Variants in FRAS1 observed in about 807,000 individuals in gnomAD.
The protein encoded by FRAS1 is Fraser extracellular matrix complex subunit 1.
Under a neutral mutation model 435.2 loss-of-function variants are expected in FRAS1, and 290 were observed. The ratio of observed to expected loss-of-function variants is 0.67; its 90% CI spans 0.61 to 0.73. FRAS1 has a LOEUF of 0.73. Ranked by LOEUF, FRAS1 falls within the 30% of genes least tolerant of loss-of-function variation. FRAS1 has a pLI of 0.00. For missense variants in FRAS1, 4,860 were observed against 5,001.5 expected (o/e 0.97, Z 0.85); for synonymous variants, 1,800 against 1,851.0 (o/e 0.97, Z 0.71).
intron 2 of FRAS1, among the ~76,000 whole-genome samples, chr4:78,138,842 A>G (rs1170202839): frequency 6.6e-6 from 1 of 152,174 alleles, no homozygotes; most frequent in African/African-American, 2.4e-5. Flanking sequence ...TTGCTATTAT[A>G]CTGTAGCTTT....
Position 78,508,931 on chromosome 4 carries a change from C to A in FRAS1, c.9705C>A (p.Pro3235=), listed in dbSNP as rs774103279. Reference sequence around the variant, plus strand: ...AGTTCAGCTGGGAAGTGGCTGCCCCCACTGATGGCAATGGGGCCCGGTCTC... The same window carrying A: ...AGTTCAGCTGGGAAGTGGCTGCCCCAACTGATGGCAATGGGGCCCGGTCTC... ...SVQFSWEVAA[P]TDGNGARSPF... The change falls in exon 63 of 74, where the codon CCC becomes CCA. Residue 3235 remains proline, a synonymous_variant. Transcript: ENST00000512123. 35 of 1,613,826 alleles carry A rather than the reference C, an allele frequency of 2.2e-5. No homozygotes were observed. The highest frequency in any genetic ancestry group is 2.5e-6 in the Non-Finnish European group (3 of 1,179,884).
intron 2 of FRAS1, among the ~76,000 whole-genome samples, chr4:78,066,223 T>C (rs529661594): frequency 3.0e-4 from 45 of 152,210 alleles, no homozygotes; most frequent in Non-Finnish European, 6.3e-4. Context: ...TACTCAGGTA[T>C]TGGAAGAGAA....
chr4:78,371,337 A>G (rs1374086515), intron 23 of FRAS1, among the ~76,000 whole-genome samples: 2 of 152,034 alleles, frequency 1.3e-5, no homozygotes, highest in African/African-American at 4.8e-5. Flanking sequence ...GAAATATTCT[A>G]CCAAGGAAGA....
chr4:78,439,518 T>A (rs2109824074), intron 40 of FRAS1, among the ~76,000 whole-genome samples: 1 of 152,328 alleles, frequency 6.6e-6, no homozygotes, highest in Non-Finnish European at 1.5e-5. Flanking sequence ...TACCCAGACA[T>A]CAGTTCAAGT....
intron 2 of FRAS1, among the ~76,000 whole-genome samples, chr4:78,114,736 G>A (rs534978589): frequency 1.8e-3 from 272 of 152,352 alleles, no homozygotes; most frequent in Non-Finnish European, 3.4e-3. Flanking sequence ...GGGCTGATAC[G>A]ATGGGGTTTT....
intron 32 of FRAS1, among the ~76,000 whole-genome samples, chr4:78,418,043 T>C (rs748898007): frequency 2.6e-5 from 4 of 152,184 alleles, no homozygotes; most frequent in Non-Finnish European, 5.9e-5. Context: ...AGTCTGAAGC[T>C]CTCCTTTTTG....
rs1275939575 is a variant in FRAS1, at chr4:78,284,466, A to C, written c.1317A>C (p.Gln439His). 2 of 1,613,902 alleles carry C rather than the reference A, an allele frequency of 1.2e-6. No homozygotes were observed. The highest frequency in any genetic ancestry group is 1.7e-5 in the Admixed American group (1 of 60,018). Residue 439 changes from glutamine to histidine, a missense_variant, in exon 13 of 74, where the codon CAA (glutamine) becomes CAC (histidine). By Grantham distance (24) the Gln-to-His change is conservative (BLOSUM62 0). Coordinates refer to ENST00000512123, the MANE Select transcript of FRAS1 (RefSeq NM_025074.7). ...SQSPDHCDLCQDPTKLLQNGW... is the reference protein window; with the variant it reads ...SQSPDHCDLCHDPTKLLQNGW... ...CTCCAGACCACTGTGACCTCTGCCA[A>C]GATCCTACCAAGTTACTGCAGAATG...
At chr4:78,108,769 T>G (rs1742528813) in intron 2 of FRAS1, among the ~76,000 whole-genome samples, 1 of 101,452 alleles carries the variant, frequency 9.9e-6, no homozygotes, top group Non-Finnish European at 2.0e-5. Flanking sequence ...CTGAAGGAAA[T>G]AGAGACACAA....
At chr4:78,408,805 C>A (rs1236057917) in intron 31 of FRAS1, among the ~76,000 whole-genome samples, 2 of 151,976 alleles carry the variant, frequency 1.3e-5, no homozygotes, top group Non-Finnish European at 1.5e-5. Flanking sequence ...CATAAGGAGA[C>A]CTTCAGTAGA....
chr4:78,374,221 T>G lies in FRAS1; in HGVS notation c.3121T>G (p.Phe1041Val), dbSNP rs768363512. ...TGTCCAGGAATGTGGGAAGGGGTAC[T>G]TTGCAGATCATGCAAAGCACAAATG... is the stretch of plus-strand genomic sequence containing the variant. ...QCVQECGKGY[F>V]ADHAKHKCTA... Residue 1041 changes from phenylalanine (F) to valine (V), a missense_variant, in exon 25 of 74, where the codon TTT becomes GTT. By Grantham distance (50) the Phe-to-Val change is conservative. Transcript: ENST00000512123. The G allele has an allele frequency of 2.8e-5, 45 of 1,601,604 alleles. No individual in the cohort carries two copies. The highest frequency in any genetic ancestry group is 3.5e-5 in the Non-Finnish European group (41 of 1,171,254).
chr4:78,537,384 A>T (rs1007418288), intron 72 of FRAS1, among the ~76,000 whole-genome samples, 184 bp downstream of exon 72: 6 of 152,246 alleles, frequency 3.9e-5, no homozygotes, highest in African/African-American at 1.4e-4. Flanking sequence ...GATGAGTAAC[A>T]AGACAAACTT....
chr4:78,137,192 C>T (rs1302994774), intron 2 of FRAS1, among the ~76,000 whole-genome samples: 2 of 152,114 alleles, frequency 1.3e-5, no homozygotes, highest in Non-Finnish European at 2.9e-5. Context: ...CAGTTTTTTC[C>T]TTCAGGTAAG....
At chr4:78,312,653 C>T (rs1729073221) in intron 15 of FRAS1, among the ~76,000 whole-genome samples, 1 of 151,624 alleles carries the variant, frequency 6.6e-6, no homozygotes. Flanking sequence ...ATAGTGAGAC[C>T]TCATCTCTAC....
intron 2 of FRAS1, among the ~76,000 whole-genome samples, chr4:78,210,360 T>G (rs1723451593): frequency 6.6e-6 from 1 of 152,216 alleles, no homozygotes. Context: ...AATTAGCCAC[T>G]GTGATAAGCT....
At chr4:78,208,183 A>G (rs1324289664) in intron 2 of FRAS1, among the ~76,000 whole-genome samples, 1 of 152,182 alleles carries the variant, frequency 6.6e-6, no homozygotes, top group Non-Finnish European at 1.5e-5. Context: ...GGGTAGACCC[A>G]GAAGAGAGAT....
chr4:78,243,744 G>A (rs1725111681), intron 3 of FRAS1, among the ~76,000 whole-genome samples: 1 of 151,836 alleles, frequency 6.6e-6, no homozygotes, highest in Non-Finnish European at 1.5e-5. Context: ...AGCTTTGAGG[G>A]CTAAATCTGA....
intron 2 of FRAS1, among the ~76,000 whole-genome samples, chr4:78,201,089 T>G (rs1345286291): frequency 1.3e-5 from 2 of 152,070 alleles, no homozygotes; most frequent in Non-Finnish European, 2.9e-5. Context: ...TCTTATTGCA[T>G]TTGCACAGGG....
At chr4:78,103,372 T>C (rs1262958505) in intron 2 of FRAS1, among the ~76,000 whole-genome samples, 1 of 152,196 alleles carries the variant, frequency 6.6e-6, no homozygotes, top group Non-Finnish European at 1.5e-5. Context: ...CCTGGACAAG[T>C]GTCTTTCTGG....
intron 2 of FRAS1, among the ~76,000 whole-genome samples, chr4:78,187,751 G>A (rs1722333789): frequency 6.6e-6 from 1 of 152,064 alleles, no homozygotes; most frequent in South Asian, 2.1e-4. Flanking sequence ...CTACAGGTAT[G>A]TGCTATCACA....
Sources: gnomAD v4.1 joint callset for allele counts (sites outside exome capture counted in the v4.1 genomes callset) on GRCh38, gnomAD v4.1.1 for gene constraint, MANE v1.5 for transcripts, NCBI Gene and HGNC (gene_info 2026-07-23, HGNC 2026-07-21) for gene names.